Variants in GPM6B observed in about 807,000 individuals in gnomAD.
The protein encoded by GPM6B is neuronal membrane glycoprotein M6-b.
GPM6B carries 4 observed loss-of-function variants against 27.2 expected under a neutral mutation model. The observed-to-expected ratio is 0.15, with a 90% CI of 0.07 to 0.34. The LOEUF (loss-of-function observed/expected upper bound fraction) is 0.34. GPM6B is among the 10% of genes least tolerant of loss of function. GPM6B has a pLI of 1.00. For synonymous variants in GPM6B, 124 were observed against 103.1 expected, an observed-to-expected ratio of 1.20 and a Z score of -1.23; for missense variants, 183 against 261.9, an observed-to-expected ratio of 0.70 and a Z score of 2.08.
intron 1 of GPM6B, among the ~76,000 whole-genome samples, chrX:13,842,358 A>C (rs1231040521): frequency 5.4e-5 from 6 of 112,128 alleles, no homozygotes; most frequent in Non-Finnish European, 1.1e-4. Flanking sequence ...CTTCATTGCC[A>C]GGGAGAGAAA....
intron 1 of GPM6B, among the ~76,000 whole-genome samples, chrX:13,870,187 C>T (rs775953669): frequency 1.3e-4 from 15 of 112,342 alleles, no homozygotes; most frequent in South Asian, 7.4e-4. Flanking sequence ...ATGCAGGTTA[C>T]TCATGACATT....
chrX:13,814,476 A>G (rs2049196828), intron 1 of GPM6B, among the ~76,000 whole-genome samples: 1 of 112,841 alleles, frequency 8.9e-6, no homozygotes, highest in South Asian at 3.6e-4. Context: ...AAACGGATCC[A>G]CCAGCTCAAG....
At chrX:13,917,811 C>T (rs941783304) in intron 1 of GPM6B, among the ~76,000 whole-genome samples, 3 of 112,254 alleles carry the variant, frequency 2.7e-5, no homozygotes, top group South Asian at 3.7e-4. Flanking sequence ...TAATCAGTTT[C>T]GTTGCCATTC....
intron 1 of GPM6B, among the ~76,000 whole-genome samples, chrX:13,844,979 G>GTT (rs1173283823): frequency 1.9e-5 from 2 of 104,206 alleles, no homozygotes; most frequent in Non-Finnish European, 1.9e-5. Flanking sequence ...TTTTCAGAAC[G>GTT]TTTTTTCTTT....
At chrX:13,799,913 C>CCA (rs1223020723) in intron 2 of GPM6B, among the ~76,000 whole-genome samples, 2 of 111,657 alleles carry the variant, frequency 1.8e-5, no homozygotes, top group Admixed American at 9.5e-5. Flanking sequence ...AGCTAAGACA[C>CCA]CACCCCCAAT....
chrX:13,804,395 C>T lies in GPM6B; in HGVS notation c.181+3255G>A, dbSNP rs187526296. 7.4e-3 allele frequency among the ~76,000 whole-genome samples: 605 copies of T among 82,167 alleles called. 8 individuals are homozygous for T. The highest frequency in any genetic ancestry group is 0.028 in the African/African-American group (576 of 20,588). The allele number at this position is 82,167 out of a possible 115,157, so 71.4% of individuals were successfully genotyped here. ...TCAGACCACCACCTCAGGCCAGGCC[C>T]CTAGGGCAGCATCATGGACGGCGGG... is the stretch of plus-strand genomic sequence containing the variant. On this transcript the variant is annotated intron_variant, in intron 2 of 7. Coordinates refer to ENST00000316715, the MANE Select transcript of GPM6B (RefSeq NM_001001995.3).
chrX:13,808,081 T>C (rs960862982), intron 1 of GPM6B, among the ~76,000 whole-genome samples: 1 of 112,235 alleles, frequency 8.9e-6, no homozygotes, highest in Non-Finnish European at 1.9e-5. Flanking sequence ...ACAATAATAT[T>C]TTTCTTTCTG....
intron 1 of GPM6B, among the ~76,000 whole-genome samples, chrX:13,864,498 A>T (rs1327545468): frequency 8.8e-6 from 1 of 113,019 alleles, no homozygotes; most frequent in Non-Finnish European, 1.9e-5. Context: ...GGGCACAGCA[A>T]AGGGAGTAGC....
intron 2 of GPM6B, among the ~76,000 whole-genome samples, chrX:13,801,816 G>A (rs1361248781): frequency 9.0e-6 from 1 of 111,574 alleles, no homozygotes. Context: ...GTCCTTGGGG[G>A]TGAAAGCATT....
chrX:13,849,024 C>T (rs1395401124), intron 1 of GPM6B, among the ~76,000 whole-genome samples: 1 of 112,209 alleles, frequency 8.9e-6, no homozygotes, highest in African/African-American at 3.2e-5. Context: ...AAACTTGATG[C>T]ATGGTTCCTC....
chrX:13,887,848 A>G (rs1201265184), intron 1 of GPM6B, among the ~76,000 whole-genome samples: 3 of 111,900 alleles, frequency 2.7e-5, no homozygotes, highest in Non-Finnish European at 5.6e-5. Flanking sequence ...AAAGCTCCTC[A>G]GCTGATTCCA....
chrX:13,867,035 C>T (rs746152079), intron 1 of GPM6B, among the ~76,000 whole-genome samples: 7 of 112,121 alleles, frequency 6.2e-5, no homozygotes, highest in African/African-American at 1.6e-4. Flanking sequence ...ATCAGCCTCT[C>T]TTGCTTTCAC....
chrX:13,879,667 G>C (rs1159976432), intron 1 of GPM6B, among the ~76,000 whole-genome samples: 1 of 112,270 alleles, frequency 8.9e-6, no homozygotes, highest in African/African-American at 3.2e-5. Flanking sequence ...ACATTAAAAA[G>C]ATTACAATGA....
chrX:13,929,703 C>A (rs1457232362), intron 1 of GPM6B, among the ~76,000 whole-genome samples: 1 of 111,426 alleles, frequency 9.0e-6, no homozygotes, highest in African/African-American at 3.3e-5. Context: ...AACTAGAGGA[C>A]TGTTACAACA....
chrX:13,898,349 A>G (rs1389876829), intron 1 of GPM6B, among the ~76,000 whole-genome samples: 4 of 112,248 alleles, frequency 3.6e-5, no homozygotes, highest in African/African-American at 1.3e-4. Context: ...AGTGAGAACC[A>G]CTGCTTTCGG....
intron 1 of GPM6B, among the ~76,000 whole-genome samples, chrX:13,826,126 G>T (rs765138137): frequency 4.5e-5 from 5 of 111,437 alleles, no homozygotes; most frequent in Admixed American, 1.9e-4. Flanking sequence ...GAAGGAGAAA[G>T]CATCAGCTCT....
At chrX:13,841,863 C>T (rs762500823) in intron 1 of GPM6B, among the ~76,000 whole-genome samples, 3 of 111,530 alleles carry the variant, frequency 2.7e-5, no homozygotes, top group African/African-American at 9.8e-5. Context: ...CTCTTGGCTA[C>T]CCCATGTACC....
chrX:13,797,711 G>C (rs1261498383), intron 2 of GPM6B, among the ~76,000 whole-genome samples: 1 of 111,358 alleles, frequency 9.0e-6, no homozygotes, highest in African/African-American at 3.3e-5. Flanking sequence ...GGCTGGACTG[G>C]AGTGGGTGCA....
chrX:13,833,640 T>C (rs1185181993), intron 1 of GPM6B, among the ~76,000 whole-genome samples: 1 of 109,746 alleles, frequency 9.1e-6, no homozygotes, highest in Non-Finnish European at 1.9e-5. Flanking sequence ...GGGGTGAGGA[T>C]CTCTTGAACC....
Sources: gnomAD v4.1 joint callset for allele counts (sites outside exome capture counted in the v4.1 genomes callset) on GRCh38, gnomAD v4.1.1 for gene constraint, MANE v1.5 for transcripts, NCBI Gene and HGNC (gene_info 2026-07-23, HGNC 2026-07-21) for gene names.